The following ST6GAL1 variants were observed in gnomAD, a reference collection of about 807,000 sequenced individuals.
The protein encoded by ST6GAL1 is beta-galactoside alpha-2,6-sialyltransferase 1.
ST6GAL1 carries 20 observed loss-of-function variants against 38.0 expected under a neutral mutation model. That is an observed-to-expected ratio of 0.53 (90% CI 0.37 to 0.77). The LOEUF (loss-of-function observed/expected upper bound fraction) is 0.77. Ranked by LOEUF, ST6GAL1 falls within the 30% of genes least tolerant of loss-of-function variation. ST6GAL1 has a pLI of 0.00. For missense variants in ST6GAL1, 432 were observed against 496.4 expected, an observed-to-expected ratio of 0.87 and a Z score of 1.23; for synonymous variants, 196 against 188.2, an observed-to-expected ratio of 1.04 and a Z score of -0.34.
chr3:186,974,728 G>GA (rs915194174), intron 2 of ST6GAL1, among the ~76,000 whole-genome samples: 1 of 126,112 alleles, frequency 7.9e-6, no homozygotes, highest in African/African-American at 3.1e-5. Flanking sequence ...AGCCTGGTTG[G>GA]GGGGGGGGCG....
chr3:187,059,826 A>T (rs1054416749), intron 5 of ST6GAL1, among the ~76,000 whole-genome samples: 5 of 152,242 alleles, frequency 3.3e-5, no homozygotes, highest in Non-Finnish European at 5.9e-5. Context: ...CTTATGATGC[A>T]ATCAAATAGT....
At chr3:187,023,908 A>C (rs1173790863) in intron 2 of ST6GAL1, among the ~76,000 whole-genome samples, 1 of 151,232 alleles carries the variant, frequency 6.6e-6, no homozygotes, top group African/African-American at 2.4e-5. Flanking sequence ...AAAAAAAAGA[A>C]TGAACCTATC....
chr3:186,972,075 T>G (rs1356976534), intron 2 of ST6GAL1, among the ~76,000 whole-genome samples: 3 of 152,214 alleles, frequency 2.0e-5, no homozygotes, highest in African/African-American at 7.2e-5. Context: ...ATTAATTCAC[T>G]TAATCCCCAT....
intron 2 of ST6GAL1, among the ~76,000 whole-genome samples, chr3:186,982,428 G>C (rs1293993456): frequency 6.6e-6 from 1 of 152,206 alleles, no homozygotes; most frequent in Admixed American, 6.5e-5. Flanking sequence ...AATCATGGCA[G>C]ACAGTTAGGG....
chr3:187,033,680 AT>A (rs1238255696), intron 2 of ST6GAL1, among the ~76,000 whole-genome samples: 1 of 152,146 alleles, frequency 6.6e-6, no homozygotes, highest in Non-Finnish European at 1.5e-5. Flanking sequence ...TGCTTTTCTT[AT>A]TTCCTTATTG....
intron 2 of ST6GAL1, among the ~76,000 whole-genome samples, chr3:187,008,609 C>G (rs1169564543): frequency 1.3e-5 from 2 of 152,134 alleles, no homozygotes; most frequent in Admixed American, 6.5e-5. Context: ...GAGCTCTCCT[C>G]TTAAAGAAAT....
chr3:187,003,268 G>A (rs995871849), intron 2 of ST6GAL1, among the ~76,000 whole-genome samples: 1 of 152,218 alleles, frequency 6.6e-6, no homozygotes, highest in African/African-American at 2.4e-5. Flanking sequence ...AGGTCAGCCT[G>A]TTTTACTGTA....
At chr3:186,935,121 C>T (rs964288071) in intron 1 of ST6GAL1, among the ~76,000 whole-genome samples, 1 of 151,970 alleles carries the variant, frequency 6.6e-6, no homozygotes, top group African/African-American at 2.4e-5. Context: ...AAACCTAGTA[C>T]CCAGTAATGA....
chr3:187,022,447 C>T (rs2108566027), intron 2 of ST6GAL1, among the ~76,000 whole-genome samples: 1 of 152,174 alleles, frequency 6.6e-6, no homozygotes, highest in Non-Finnish European at 1.5e-5. Flanking sequence ...CTGAGAGAGT[C>T]AAGTTATTGT....
intron 2 of ST6GAL1, among the ~76,000 whole-genome samples, chr3:186,989,226 A>G (rs987782683): frequency 6.6e-6 from 1 of 152,202 alleles, no homozygotes; most frequent in Non-Finnish European, 1.5e-5. Flanking sequence ...GACTGAGACT[A>G]TTTAGCTTGA....
chr3:187,007,793 A>G (rs1716830585), intron 2 of ST6GAL1, among the ~76,000 whole-genome samples: 1 of 152,212 alleles, frequency 6.6e-6, no homozygotes, highest in Non-Finnish European at 1.5e-5. Flanking sequence ...TTGAAATTAG[A>G]AAGTTCTTGA....
At chr3:186,949,495 T>C (rs1714504645) in intron 1 of ST6GAL1, among the ~76,000 whole-genome samples, 1 of 152,148 alleles carries the variant, frequency 6.6e-6, no homozygotes. Context: ...ATGAACATCT[T>C]ATTCTGGGCT....
At chr3:187,051,221 C>T (rs1368430301) in intron 4 of ST6GAL1, 28 bp from the exon 5 acceptor site, 1 of 1,605,612 alleles carries the variant, frequency 6.2e-7, no homozygotes, top group Non-Finnish European at 8.5e-7. Context: ...TGCTCATCAC[C>T]TCTTTTCTGT....
intron 2 of ST6GAL1, among the ~76,000 whole-genome samples, chr3:186,980,218 ATT>A (rs1316657291): frequency 2.6e-5 from 4 of 152,116 alleles, no homozygotes; most frequent in African/African-American, 9.7e-5. Flanking sequence ...CCTGTCTCAG[ATT>A]CAGATTCAGC....
chr3:187,066,216 T>C (rs1719118598), intron 5 of ST6GAL1, among the ~76,000 whole-genome samples: 1 of 152,288 alleles, frequency 6.6e-6, no homozygotes, highest in Admixed American at 6.5e-5. Flanking sequence ...ATGATGGCAA[T>C]CATGAGTTCT....
chr3:186,932,753 T>C (rs1713803939), intron 1 of ST6GAL1, among the ~76,000 whole-genome samples: 1 of 32,514 alleles, frequency 3.1e-5, no homozygotes. Context: ...CTGATCTTAT[T>C]AAAGTTACTT....
chr3:186,936,420 G>C (rs1439732161), intron 1 of ST6GAL1, among the ~76,000 whole-genome samples: 1 of 152,156 alleles, frequency 6.6e-6, no homozygotes, highest in Non-Finnish European at 1.5e-5. Flanking sequence ...AACTGAATTA[G>C]AGGCAAATGA....
At chr3:187,060,828 G>C (rs1217232021) in intron 5 of ST6GAL1, among the ~76,000 whole-genome samples, 1 of 152,120 alleles carries the variant, frequency 6.6e-6, no homozygotes, top group East Asian at 1.9e-4. Context: ...TCATTTATTT[G>C]TGGTCAGCTG....
intron 2 of ST6GAL1, among the ~76,000 whole-genome samples, chr3:186,992,870 C>T (rs1191334027): frequency 6.6e-6 from 1 of 152,172 alleles, no homozygotes; most frequent in East Asian, 1.9e-4. Context: ...GTCCTTGCCC[C>T]TAAGGTGCTC....
Sources: gnomAD v4.1 joint callset for allele counts (sites outside exome capture counted in the v4.1 genomes callset) on GRCh38, gnomAD v4.1.1 for gene constraint, MANE v1.5 for transcripts, NCBI Gene and HGNC (gene_info 2026-07-23, HGNC 2026-07-21) for gene names.